The following FUNDC1 variants were observed in gnomAD, a reference collection of about 807,000 sequenced individuals.
FUNDC1 encodes the protein FUN14 domain containing 1, also known as FUN14 domain-containing protein 1.
A neutral mutation model predicts 14.5 loss-of-function variants in FUNDC1; 10 were observed. The ratio of observed to expected loss-of-function variants is 0.69; its 90% CI spans 0.43 to 1.17. The LOEUF is 1.17. FUNDC1 is among the 50% of genes most tolerant of loss of function. The pLI is 0.00. For synonymous variants in FUNDC1, 33 were observed against 39.7 expected (o/e 0.83, Z 0.64); for missense variants, 115 against 113.8 (o/e 1.01, Z -0.05).
At position 44,533,724 on chromosome X, in the gene FUNDC1, C is replaced by T. The variant is rs545730123; in HGVS notation, c.261+4743G>A. On this transcript the variant is annotated intron_variant, in intron 3 of 4. Coordinates refer to ENST00000378045, the MANE Select transcript of FUNDC1 (RefSeq NM_173794.4). ...AAATTTTTAAAAAAGATACTGCTCA[C>T]TGCATCCATGAAGGAAAAGCAAGAA... Among the ~76,000 whole-genome samples the T allele has an allele frequency of 7.4e-5, 8 of 108,314 alleles. No homozygotes were observed. In the South Asian group the frequency reaches 3.2e-3, roughly 43 times the overall value. 94.1% of individuals were successfully genotyped at this position (108,314 alleles called of 115,157 possible). A position where few individuals can be genotyped will look rare whatever the true frequency, so the allele number is the denominator to read the frequency against.
In FUNDC1 at chrX:44,542,848, C is replaced by T; in HGVS notation, c.-16G>A. 2 of 1,167,588 alleles carry T rather than the reference C, an allele frequency of 1.7e-6. No individual in the cohort carries two copies. Among genetic ancestry groups the T allele is most frequent in the Non-Finnish European group, 2.3e-6 (2 of 872,427 alleles). ...GGGTCGCCATGATACCGCCAGCGGC[C>T]AATTCTGGAGTGGTCCCCACCCGCC... On this transcript the variant is annotated 5_prime_UTR_variant, in exon 1 of 5. Transcript: ENST00000378045.
rs768667661 is a variant in FUNDC1, at chrX:44,536,875, G to A, written c.261+1592C>T. Reference sequence around the variant, plus strand: ...AGAGACTGTGTACTTTAAGATGGCAGTGTAATAAATATCTATTGGAAAACA... The same window carrying A: ...AGAGACTGTGTACTTTAAGATGGCAATGTAATAAATATCTATTGGAAAACA... On this transcript the variant is annotated intron_variant, in intron 3 of 4. Transcript: ENST00000378045. 2.9e-3 allele frequency among the ~76,000 whole-genome samples: 328 copies of A among 112,066 alleles called. 3 individuals carry two copies. Among genetic ancestry groups the A allele is most frequent in the African/African-American group, 0.01 (318 of 30,955 alleles).
intron 2 of FUNDC1, among the ~76,000 whole-genome samples, chrX:44,540,365 T>C (rs1349928805): frequency 9.0e-6 from 1 of 111,367 alleles, no homozygotes. Flanking sequence ...ATTAGAGTTG[T>C]ATTATACAGC....
At chrX:44,540,247 G>C (rs1471850879) in intron 2 of FUNDC1, among the ~76,000 whole-genome samples, 1 of 111,577 alleles carries the variant, frequency 9.0e-6, no homozygotes, top group African/African-American at 3.3e-5. Context: ...CCTATTAACT[G>C]TTCCTCCTTA....
At chrX:44,533,489 G>A (rs1205032369) in intron 3 of FUNDC1, among the ~76,000 whole-genome samples, 4 of 108,695 alleles carry the variant, frequency 3.7e-5, no homozygotes, top group African/African-American at 1.3e-4. Flanking sequence ...TTAGCTGGGT[G>A]TGGTGGCAGG....
At position 44,541,962 on chromosome X, in the gene FUNDC1, C is replaced by T. The variant is rs747950825; in HGVS notation, c.168G>A (p.Met56Ile). ...EKYSVATQIV[M>I]GGVTGWCAGF... ...GTTCTCACCAGCCAGTAACGCCACC[C>T]ATTACAATCTGGGTAGCTACTGAGT... Residue 56 changes from methionine to isoleucine, a missense_variant, in exon 2 of 5, where the codon ATG (methionine) becomes ATA (isoleucine). Physicochemically the swap from Met to Ile is conservative, Grantham distance 10. Coordinates refer to ENST00000378045, the MANE Select transcript of FUNDC1 (RefSeq NM_173794.4). The T allele has an allele frequency of 8.3e-7, 1 of 1,206,148 alleles. No individual in the cohort carries two copies. Among genetic ancestry groups the T allele is most frequent in the South Asian group, 1.8e-5 (1 of 55,448 alleles).
rs1320137915 is a variant in FUNDC1, at chrX:44,542,809, G to C, written c.24C>G (p.Pro8=). The change falls in exon 1 of 5, where the codon CCC becomes CCG. Residue 8 remains proline, a synonymous_variant. Transcript: ENST00000378045. The part of the protein sequence containing the change: MATRNPP[P]QDYESDDDSY... ...CTTCGGGCCCTGGCCGCTCACCTTGGGGAGGGGGGTTCCGGGTCGCCATGA... is the reference window on the plus strand; with the variant it reads ...CTTCGGGCCCTGGCCGCTCACCTTGCGGAGGGGGGTTCCGGGTCGCCATGA... 3 of 1,167,744 alleles carry C rather than the reference G, an allele frequency of 2.6e-6. No individual in the cohort carries two copies. Among genetic ancestry groups the C allele is most frequent in the African/African-American group, 3.6e-5 (2 of 55,957 alleles).
intron 3 of FUNDC1, among the ~76,000 whole-genome samples, chrX:44,531,247 AACACACACACACAC>A (rs759868973): frequency 2.6e-4 from 13 of 50,422 alleles, no homozygotes; most frequent in Admixed American, 2.0e-3. Context: ...TTTCCAGAAA[AACACACACACACAC>A]ACACACACAC....
Position 44,523,996 on chromosome X carries a change from A to T in FUNDC1, c.*202T>A, listed in dbSNP as rs772871328. ...GTTTTGCTCAGGAATACTACGGTTC[A>T]CATACCATATAGGTTGTTTTACAGC... On this transcript the variant is annotated 3_prime_UTR_variant, in exon 5 of 5. Transcript: ENST00000378045. 4.3e-5 allele frequency: 17 copies of T among 397,666 alleles called. No homozygotes were observed. Among genetic ancestry groups the T allele is most frequent in the Non-Finnish European group, 7.1e-5 (16 of 226,464 alleles). The allele number at this position is 397,666 out of a possible 1,213,427, so 32.8% of individuals were successfully genotyped here.
chrX:44,531,335 C>G (rs868056799), intron 3 of FUNDC1, among the ~76,000 whole-genome samples: 4 of 71,436 alleles, frequency 5.6e-5, no homozygotes, highest in Non-Finnish European at 2.3e-5. Context: ...CACACACACA[C>G]ACACACACAC....
At chrX:44,527,964 G>A (rs1029795203) in intron 3 of FUNDC1, among the ~76,000 whole-genome samples, 9 of 111,328 alleles carry the variant, frequency 8.1e-5, no homozygotes, top group African/African-American at 2.9e-4. Context: ...CTCTACACAA[G>A]TTTCATGCCA....
chrX:44,538,751 A>G (rs1224410924), intron 2 of FUNDC1, among the ~76,000 whole-genome samples: 4 of 111,846 alleles, frequency 3.6e-5, no homozygotes, highest in Non-Finnish European at 3.8e-5. Flanking sequence ...TTTGCTTCAA[A>G]ATAAGGGACG....
intron 3 of FUNDC1, among the ~76,000 whole-genome samples, chrX:44,532,700 G>C (rs1016873246): frequency 1.8e-5 from 2 of 109,141 alleles, no homozygotes; most frequent in Non-Finnish European, 3.8e-5. Context: ...TTACAGGCAT[G>C]CACCACCATG....
Position 44,531,247 on chromosome X carries a change from AACACACACAC to A in FUNDC1, c.262-3892_262-3883del, listed in dbSNP as rs759868973. 1.4e-4 allele frequency among the ~76,000 whole-genome samples: 7 copies of A among 50,422 alleles called. 1 individual carries two copies. The highest frequency in any genetic ancestry group is 7.0e-4 in the African/African-American group (4 of 5,734). 43.8% of individuals were successfully genotyped at this position (50,422 alleles called of 115,157 possible). ...CAGAGAGTGAGACTGTTTCCAGAAAAACACACACACACACACACACACACACACACACACA... is the reference window on the plus strand; with the variant it reads ...CAGAGAGTGAGACTGTTTCCAGAAAAACACACACACACACACACACACACA... On this transcript the variant is annotated intron_variant, in intron 3 of 4. Transcript: ENST00000378045.
At chrX:44,529,119 T>C (rs971624745) in intron 3 of FUNDC1, among the ~76,000 whole-genome samples, 4 of 111,214 alleles carry the variant, frequency 3.6e-5, no homozygotes, top group African/African-American at 6.5e-5. Flanking sequence ...ATGAGTTAAA[T>C]TGGAAGTGAA....
At position 44,523,880 on chromosome X, in the gene FUNDC1, T is replaced by C. The variant is rs2038890860; in HGVS notation, c.*318A>G. The C allele has an allele frequency of 5.4e-6, 1 of 185,524 alleles. No homozygotes were observed. The highest frequency in any genetic ancestry group is 3.0e-5 in the African/African-American group (1 of 33,684). The allele number at this position is 185,524 out of a possible 1,213,427, so 15.3% of individuals were successfully genotyped here. ...TTCGCTAAGCAATAAACCCAACATATTTCTTTTCTCTCCATATCTACATCC... is the reference window on the plus strand; with the variant it reads ...TTCGCTAAGCAATAAACCCAACATACTTCTTTTCTCTCCATATCTACATCC... On this transcript the variant is annotated 3_prime_UTR_variant, in exon 5 of 5. Coordinates refer to ENST00000378045, the MANE Select transcript of FUNDC1 (RefSeq NM_173794.4).
chrX:44,530,334 C>T (rs1369682381), intron 3 of FUNDC1, among the ~76,000 whole-genome samples: 3 of 112,002 alleles, frequency 2.7e-5, no homozygotes, highest in Admixed American at 1.9e-4. Context: ...GGCCGGGCTC[C>T]GTGGCTCACG....
At chrX:44,542,400 C>T in intron 1 of FUNDC1, 1 of 373,980 alleles carries the variant, frequency 2.7e-6, no homozygotes, top group Non-Finnish European at 4.6e-6. Flanking sequence ...ACCTCCAAAC[C>T]TTAGTAGGGT....
intron 3 of FUNDC1, among the ~76,000 whole-genome samples, chrX:44,537,252 C>T (rs2038952754): frequency 8.9e-6 from 1 of 111,949 alleles, no homozygotes; most frequent in South Asian, 3.7e-4. Flanking sequence ...AACTGACATG[C>T]AGAGTGGATT....
Sources: allele counts gnomAD v4.1 joint callset (sites outside exome capture counted in the v4.1 genomes callset), GRCh38; gene constraint gnomAD v4.1.1; transcripts MANE v1.5; gene names NCBI Gene and HGNC (gene_info 2026-07-23, HGNC 2026-07-21).